NCALD: variants seen among roughly 807,000 people sequenced by gnomAD.
The protein encoded by NCALD is neurocalcin-delta.
Under a neutral mutation model 18.6 loss-of-function variants are expected in NCALD, and 10 were observed. The observed-to-expected ratio is 0.54, with a 90% CI of 0.33 to 0.91. The LOEUF (loss-of-function observed/expected upper bound fraction) is 0.91, where lower values mean the gene tolerates loss of function less well. Among genes scored for constraint, NCALD ranks in the 40% least tolerant of loss-of-function variants. The probability of loss-of-function intolerance (pLI) is 0.03; values close to 1 mark genes in which losing one functional copy is unlikely to be tolerated. For missense variants in NCALD, 184 were observed against 247.6 expected (o/e 0.74, Z 1.72); for synonymous variants, 88 against 87.4 (o/e 1.01, Z -0.04).
At chr8:101,995,909 A>C (rs1458184983) in intron 2 of NCALD, among the ~76,000 whole-genome samples, 1 of 152,184 alleles carries the variant, frequency 6.6e-6, no homozygotes. Context: ...TCCTATAACT[A>C]ACTTCTGCCC....
At chr8:101,774,082 A>G (rs560404361) in intron 1 of NCALD, among the ~76,000 whole-genome samples, 8 of 152,226 alleles carry the variant, frequency 5.3e-5, no homozygotes, top group Non-Finnish European at 1.0e-4. Flanking sequence ...GAAATCTCCA[A>G]TAATTATAAA....
chr8:101,804,262 C>T (rs1453187747), intron 4 of NCALD, among the ~76,000 whole-genome samples: 1 of 133,892 alleles, frequency 7.5e-6, no homozygotes, highest in Non-Finnish European at 1.5e-5. Flanking sequence ...TATAAAAATG[C>T]ATTATCTCTA....
intron 3 of NCALD, among the ~76,000 whole-genome samples, chr8:101,903,395 C>T (rs938790639): frequency 2.0e-5 from 3 of 151,982 alleles, no homozygotes; most frequent in Non-Finnish European, 4.4e-5. Context: ...TGGAGTTTCA[C>T]CGTGTTGGCC....
At chr8:101,929,587 AG>A (rs1818491417) in intron 2 of NCALD, among the ~76,000 whole-genome samples, 2 of 60,110 alleles carry the variant, frequency 3.3e-5, no homozygotes, top group Admixed American at 3.6e-4. Flanking sequence ...GAGGGAAGGA[AG>A]GAGGCAGGGA....
At chr8:101,947,211 AAC>A (rs1281373656) in intron 2 of NCALD, among the ~76,000 whole-genome samples, 2 of 152,228 alleles carry the variant, frequency 1.3e-5, no homozygotes, top group Non-Finnish European at 2.9e-5. Context: ...AAGTCATGGC[AAC>A]AGTTTTTTGG....
intron 3 of NCALD, chr8:101,692,435 T>A (rs548893392): frequency 2.0e-6 from 2 of 985,422 alleles, no homozygotes; most frequent in African/African-American, 3.5e-5. Context: ...CCCATTTTGA[T>A]GAACTGGACT....
intron 2 of NCALD, among the ~76,000 whole-genome samples, chr8:101,972,406 C>T (rs1820275218): frequency 6.6e-6 from 1 of 152,132 alleles, no homozygotes; most frequent in South Asian, 2.1e-4. Context: ...AATGAGATAA[C>T]CCATCTGCTA....
chr8:102,067,448 A>AAC (rs59878811), intron 1 of NCALD, among the ~76,000 whole-genome samples: 45,150 of 150,736 alleles, frequency 0.3, 6,805 homozygotes, highest in Non-Finnish European at 0.32. Flanking sequence ...TCTTGTCCCA[A>AAC]ACACACACAC....
At chr8:102,119,346 A>T (rs1377791521) in intron 1 of NCALD, among the ~76,000 whole-genome samples, 3 of 152,202 alleles carry the variant, frequency 2.0e-5, no homozygotes, top group Admixed American at 6.5e-5. Flanking sequence ...CTTTTATATG[A>T]GGTACCTAGA....
In NCALD at chr8:101,689,449, G is replaced by T. The variant is rs1046764627; in HGVS notation, c.485-43C>A. The stretch of plus-strand genomic sequence containing the variant: ...AGGTGAGTGGTGGCTGGTGGCAGCT[G>T]CATGAGCTTACACCCTTCCCACTAC... On this transcript the variant is annotated intron_variant, in intron 3 of 3. Transcript: ENST00000220931. This position sits in a 1 kb window ranked among gnomAD's most constrained non-coding sequence, Gnocchi z 4.4. 4.1e-6 allele frequency: 6 copies of T among 1,469,776 alleles called. No homozygotes were observed. Among genetic ancestry groups the T allele is most frequent in the Non-Finnish European group, 5.6e-6 (6 of 1,069,358 alleles). The allele number at this position is 1,469,776 out of a possible 1,614,324, so 91.0% of individuals were successfully genotyped here. A position where few individuals can be genotyped will look rare whatever the true frequency, so the allele number is the denominator to read the frequency against.
At chr8:101,950,669 A>G (rs1464626104) in intron 2 of NCALD, among the ~76,000 whole-genome samples, 1 of 152,204 alleles carries the variant, frequency 6.6e-6, no homozygotes, top group Non-Finnish European at 1.5e-5. Context: ...TGGGCTATAA[A>G]AGACATTGTG....
intron 1 of NCALD, among the ~76,000 whole-genome samples, chr8:101,787,218 C>A (rs1812261423): frequency 6.6e-6 from 1 of 152,146 alleles, no homozygotes; most frequent in African/African-American, 2.4e-5. Flanking sequence ...AACAGTACAG[C>A]CTGGAGTCAG....
At chr8:101,799,956 ATTC>A in intron 4 of NCALD, among the ~76,000 whole-genome samples, 1 of 152,334 alleles carries the variant, frequency 6.6e-6, no homozygotes, top group East Asian at 1.9e-4. Context: ...TCTCTGTATT[ATTC>A]TTACAACTGT....
intron 1 of NCALD, among the ~76,000 whole-genome samples, chr8:101,784,521 A>G (rs1433093422): frequency 6.6e-6 from 1 of 152,134 alleles, no homozygotes; most frequent in Non-Finnish European, 1.5e-5. Context: ...ACATATGGTA[A>G]TGCAGTGGCT....
At chr8:101,872,706 A>G (rs1816069425) in intron 4 of NCALD, among the ~76,000 whole-genome samples, 1 of 152,154 alleles carries the variant, frequency 6.6e-6, no homozygotes, top group African/African-American at 2.4e-5. Flanking sequence ...TTCTTAATTA[A>G]GTATGAAAAG....
intron 1 of NCALD, among the ~76,000 whole-genome samples, chr8:101,783,480 T>C (rs998988230): frequency 1.3e-5 from 2 of 152,230 alleles, no homozygotes; most frequent in Non-Finnish European, 2.9e-5. Context: ...ACCCTAGCTT[T>C]ACTACAAACC....
intron 2 of NCALD, among the ~76,000 whole-genome samples, chr8:101,718,981 C>T (rs1816220520): frequency 6.6e-6 from 1 of 152,214 alleles, no homozygotes; most frequent in Non-Finnish European, 1.5e-5. Context: ...ACTCTTACAA[C>T]CAATTGCCAA....
At chr8:101,988,154 C>CAAAAAAAAAAAAAAAAAAAAAAAAAA (rs141735735) in intron 2 of NCALD, among the ~76,000 whole-genome samples, 1 of 37,168 alleles carries the variant, frequency 2.7e-5, no homozygotes, top group Non-Finnish European at 4.8e-5. Flanking sequence ...GACTCCGTCT[C>CAAAAAAAAAAAAAAAAAAAAAAAAAA]AAAAAAAAAA....
In NCALD at chr8:101,753,720, G is replaced by A. The variant is rs76395238; in HGVS notation, c.-19-34072C>T. On this transcript the variant is annotated intron_variant, in intron 1 of 3. Transcript: ENST00000220931. ...AAGGGATAGTCTCTTTCTGCGTCTA[G>A]TGCGTGGTGTGGTGAGGATGAAATG... 6.2e-3 allele frequency among the ~76,000 whole-genome samples: 948 copies of A among 152,272 alleles called. 13 individuals are homozygous for A. The highest frequency in any genetic ancestry group is 0.021 in the African/African-American group (878 of 41,560).
Sources: gnomAD v4.1 joint callset for allele counts (sites outside exome capture counted in the v4.1 genomes callset) on GRCh38, gnomAD v4.1.1 for gene constraint, Gnocchi (gnomAD v3.1) non-coding constraint, MANE v1.5 for transcripts, NCBI Gene and HGNC (gene_info 2026-07-23, HGNC 2026-07-21) for gene names.